Variants in PROM2 observed in about 807,000 individuals in gnomAD.
PROM2 encodes prominin-2.
In PROM2, 90 loss-of-function variants were observed where a neutral mutation model predicts 110.2. The ratio of observed to expected loss-of-function variants is 0.82; its 90% CI spans 0.69 to 0.97. The LOEUF (loss-of-function observed/expected upper bound fraction) is 0.97. Ranked by LOEUF, PROM2 falls within the 50% of genes least tolerant of loss-of-function variation. The probability of loss-of-function intolerance (pLI) is 0.00; values close to 1 mark genes in which losing one functional copy is unlikely to be tolerated. For synonymous variants in PROM2, 470 were observed against 467.8 expected (o/e 1.00, Z -0.06); for missense variants, 1,009 against 1,074.8 (o/e 0.94, Z 0.86).
chr2:95,287,603 G>C, intron 20 of PROM2, 139 bp downstream of exon 20: 2 of 766,230 alleles, frequency 2.6e-6, no homozygotes, highest in Middle Eastern at 7.5e-4. Flanking sequence ...TCCCAAACCT[G>C]GCATCTGCAC....
At chr2:95,282,392 G>T (rs1230530513) in intron 14 of PROM2, among the ~76,000 whole-genome samples, 166 bp downstream of exon 14, 1 of 152,218 alleles carries the variant, frequency 6.6e-6, no homozygotes, top group Non-Finnish European at 1.5e-5. Context: ...CTCTGGGGAA[G>T]GTTCCGGGTG....
Position 95,276,604 on chromosome 2 carries a change from CCG to C in PROM2, c.630_631del (p.Val211GlyfsTer85). The C allele has an allele frequency of 6.2e-7, 1 of 1,613,784 alleles. No individual in the cohort carries two copies. The highest frequency in any genetic ancestry group is 1.3e-5 in the African/African-American group (1 of 75,028). ...CTTGTGTTTGCCTAGGAGCTGCAGGCCGTGGCACAGCAATTCTCCCTGCCCCA... is the reference window on the plus strand; with the variant it reads ...CTTGTGTTTGCCTAGGAGCTGCAGGCTGGCACAGCAATTCTCCCTGCCCCA... On this transcript the variant is annotated frameshift_variant, in exon 5 of 24. Coordinates refer to ENST00000317620, the MANE Select transcript of PROM2 (RefSeq NM_001165978.3). LOFTEE classifies it high-confidence loss of function. This position sits in a 1 kb window ranked among gnomAD's most constrained non-coding sequence, Gnocchi z 4.6.
At position 95,275,407 on chromosome 2, in the gene PROM2, AC is replaced by A; in HGVS notation, c.245-53del. The A allele has an allele frequency of 1.3e-6, 2 of 1,542,438 alleles. No homozygotes were observed. Among genetic ancestry groups the A allele is most frequent in the Non-Finnish European group, 1.8e-6 (2 of 1,131,910 alleles). On this transcript the variant is annotated intron_variant, in intron 1 of 23. Transcript: ENST00000317620. This position sits in a 1 kb window ranked among gnomAD's most constrained non-coding sequence, Gnocchi z 4.4. ...CCCTGGCAGTGGGGAGAGGAGGGACACAGGGGCAGGGCAGTGGCTGTCCCCA... is the reference window on the plus strand; with the variant it reads ...CCCTGGCAGTGGGGAGAGGAGGGACAAGGGGCAGGGCAGTGGCTGTCCCCA...
At position 95,281,374 on chromosome 2, in the gene PROM2, G is replaced by A; in HGVS notation, c.1551+9G>A. ...ACGGCGAGCTCTTTGAGGTAGGCCTGTCTCTGCTCACAGGCCCTCCTGGGG... is the reference window on the plus strand; with the variant it reads ...ACGGCGAGCTCTTTGAGGTAGGCCTATCTCTGCTCACAGGCCCTCCTGGGG... On this transcript the variant is annotated intron_variant, in intron 12 of 23. Coordinates refer to ENST00000317620, the MANE Select transcript of PROM2 (RefSeq NM_001165978.3). 1 of 1,599,146 alleles carries A rather than the reference G, an allele frequency of 6.3e-7. No homozygotes were observed. The highest frequency in any genetic ancestry group is 1.1e-5 in the South Asian group (1 of 90,894).
At position 95,288,981 on chromosome 2, in the gene PROM2, C is replaced by G. The variant is rs759481810; in HGVS notation, c.2490C>G (p.Thr830=). The change falls in exon 23 of 24, where the codon ACC becomes ACG. Residue 830 remains threonine (T), a synonymous_variant. Coordinates refer to ENST00000317620, the MANE Select transcript of PROM2 (RefSeq NM_001165978.3). ...AGCTCTTCCACATCCCCCGGGTTAC[C>G]TCCCTGAAGCTGTAGGGCCTTGTGG... ...ETQLFHIPRV[T]SLKL 6.2e-7 allele frequency: 1 copy of G among 1,613,964 alleles called. No individual in the cohort carries two copies. The highest frequency in any genetic ancestry group is 1.3e-5 in the African/African-American group (1 of 74,908).
In PROM2 at chr2:95,279,056, G is replaced by A. The variant is rs1367789015; in HGVS notation, c.1186G>A (p.Ala396Thr). The change falls in exon 10 of 24, where the codon GCA becomes ACA. Residue 396 changes from alanine to threonine, a missense_variant. Ala to Thr is a moderately conservative substitution (Grantham distance 58, BLOSUM62 0). Transcript: ENST00000317620. The stretch of plus-strand genomic sequence containing the variant: ...GGCTGAAGGGTTCCCGGGCTTGGAG[G>A]CAGCTTCCCGCTGGGCCCAGGCACT... Reference protein sequence around the residue: ...TLAEGFPGLEAASRWAQALQE... With the variant: ...TLAEGFPGLETASRWAQALQE... 7 of 1,612,590 alleles carry A rather than the reference G, an allele frequency of 4.3e-6. No homozygotes were observed. The highest frequency in any genetic ancestry group is 5.9e-6 in the Non-Finnish European group (7 of 1,179,620).
At position 95,289,058 on chromosome 2, in the gene PROM2, G is replaced by T. The variant is rs533640480; in HGVS notation, c.*10+52G>T. ...GCTCCCTGCCAGGGATTAAGGGAGT[G>T]GGGTGGGGAGGGGCTGGGGTCTGGG... On this transcript the variant is annotated intron_variant, in intron 23 of 23. Transcript: ENST00000317620. 1.9e-4 allele frequency: 268 copies of T among 1,395,750 alleles called. 1 individual carries two copies. The South Asian group carries it at 2.9e-3, about 15-fold the overall frequency. 86.5% of individuals were successfully genotyped at this position (1,395,750 alleles called of 1,614,324 possible).
intron 15 of PROM2, 63 bp from the exon 16 acceptor site, chr2:95,285,576 A>T (rs1677305662): frequency 7.3e-7 from 1 of 1,373,200 alleles, no homozygotes; most frequent in Non-Finnish European, 1.0e-6. Flanking sequence ...GGCTGGGATC[A>T]GGTGGTGGTG....
In PROM2 at chr2:95,285,130, C is replaced by T. The variant is rs201599161; in HGVS notation, c.1875+15C>T. On this transcript the variant is annotated intron_variant, in intron 15 of 23. Coordinates refer to ENST00000317620, the MANE Select transcript of PROM2 (RefSeq NM_001165978.3). ...TCCTCGTTCAGGTCAGCGGTGGGCA[C>T]CTCAGCAGGGCTTCCTCAGCAGGTG... 200 of 1,540,136 alleles carry T rather than the reference C, an allele frequency of 1.3e-4. 1 individual carries two copies. The highest frequency in any genetic ancestry group is 2.7e-5 in the Non-Finnish European group (31 of 1,138,852).
intron 22 of PROM2, 61 bp downstream of exon 22, chr2:95,288,650 C>T (rs1298022150): frequency 7.6e-6 from 11 of 1,442,920 alleles, no homozygotes; most frequent in African/African-American, 1.4e-5. Context: ...TTTCAGCCGC[C>T]AGGGTCCCCT....
chr2:95,285,604 G>A (rs1319798977), intron 15 of PROM2, 35 bp from the exon 16 acceptor site: 2 of 1,553,184 alleles, frequency 1.3e-6, no homozygotes, highest in East Asian at 4.8e-5. Context: ...GGGGAGCTGG[G>A]TTCATCCCTC....
intron 11 of PROM2, 26 bp from the exon 12 acceptor site, chr2:95,281,216 T>C (rs370655302): frequency 6.2e-7 from 1 of 1,608,766 alleles, no homozygotes; most frequent in Non-Finnish European, 8.5e-7. Context: ...CTGCTGTCCC[T>C]CAGTCCTGCC....
At chr2:95,285,202 C>T in intron 15 of PROM2, 87 bp downstream of exon 15, 1 of 1,369,450 alleles carries the variant, frequency 7.3e-7, no homozygotes. Flanking sequence ...TGCATCTTGC[C>T]TTGTCCCAGC....
chr2:95,278,111 C>G, intron 8 of PROM2, 107 bp downstream of exon 8: 1 of 901,094 alleles, frequency 1.1e-6, no homozygotes, highest in Non-Finnish European at 1.8e-6. Flanking sequence ...TGGGGTCCCA[C>G]CCACCACACA....
At chr2:95,280,490 ACTC>A (rs1448661370) in intron 11 of PROM2, among the ~76,000 whole-genome samples, 3 of 151,716 alleles carry the variant, frequency 2.0e-5, no homozygotes, top group Non-Finnish European at 4.4e-5. Flanking sequence ...TAAGATCTTT[ACTC>A]CTCAGACCTG....
At position 95,288,191 on chromosome 2, in the gene PROM2, G is replaced by T; in HGVS notation, c.2245-20G>T. On this transcript the variant is annotated intron_variant, in intron 20 of 23. Coordinates refer to ENST00000317620, the MANE Select transcript of PROM2 (RefSeq NM_001165978.3). ...GGGTCCAGGTGTCTCTGCATCACCT[G>T]CCTCATGTTGGCGCCACAGGTGACT... 6.2e-7 allele frequency: 1 copy of T among 1,611,962 alleles called. No individual in the cohort carries two copies.
At position 95,279,860 on chromosome 2, in the gene PROM2, C is replaced by T. The variant is rs145337849; in HGVS notation, c.1290C>T (p.Cys430=). ...RYETYRWIVG[C]VLCSVVLFVV... The stretch of plus-strand genomic sequence containing the variant: ...TCTGTGGCAGGTGGATCGTGGGCTG[C>T]GTGCTGTGCTCCGTGGTCCTATTCG... Residue 430 remains cysteine (C), a synonymous_variant, in exon 11 of 24, where the codon TGC becomes TGT. Coordinates refer to ENST00000317620, the MANE Select transcript of PROM2 (RefSeq NM_001165978.3). 3.6e-5 allele frequency: 54 copies of T among 1,482,598 alleles called. No individual in the cohort carries two copies. The highest frequency in any genetic ancestry group is 8.6e-5 in the African/African-American group (6 of 69,794). The allele number at this position is 1,482,598 out of a possible 1,614,324, so 91.8% of individuals were successfully genotyped here.
chr2:95,285,509 T>G, intron 15 of PROM2, 130 bp from the exon 16 acceptor site: 1 of 686,218 alleles, frequency 1.5e-6, no homozygotes, highest in Non-Finnish European at 2.5e-6. Flanking sequence ...CTGTGACTGA[T>G]GTGTCACAAT....
At chr2:95,284,933 C>A in intron 14 of PROM2, 36 bp from the exon 15 acceptor site, 1 of 1,591,858 alleles carries the variant, frequency 6.3e-7, no homozygotes, top group Non-Finnish European at 8.6e-7. Flanking sequence ...GGCTCAGCAA[C>A]TGGGCATGAC....
Sources: allele counts gnomAD v4.1 joint callset (sites outside exome capture counted in the v4.1 genomes callset), GRCh38; gene constraint gnomAD v4.1.1; non-coding constraint Gnocchi (gnomAD v3.1); transcripts MANE v1.5; gene names NCBI Gene and HGNC (gene_info 2026-07-23, HGNC 2026-07-21).